Variants in PLEKHF1 observed in about 807,000 individuals in gnomAD.
PLEKHF1 encodes the protein pleckstrin homology domain-containing family F member 1.
In PLEKHF1, 1 loss-of-function variant was observed where a neutral mutation model predicts 4.1. The observed-to-expected ratio is 0.24, with a 90% CI of 0.09 to 1.15. The LOEUF (loss-of-function observed/expected upper bound fraction) is 1.15, where lower values mean the gene tolerates loss of function less well. PLEKHF1 is among the 50% of genes most tolerant of loss of function. The pLI, the probability that PLEKHF1 is intolerant of heterozygous loss-of-function variation, is 0.52. For missense variants in PLEKHF1, 429 were observed against 400.6 expected, an observed-to-expected ratio of 1.07 and a Z score of -0.60; for synonymous variants, 182 against 178.5, an observed-to-expected ratio of 1.02 and a Z score of -0.16.
In PLEKHF1 at chr19:29,674,630, G is replaced by A; in HGVS notation, c.791G>A (p.Ser264Asn). 1 of 1,610,342 alleles carries A rather than the reference G, an allele frequency of 6.2e-7. No individual in the cohort carries two copies. The highest frequency in any genetic ancestry group is 8.5e-7 in the Non-Finnish European group (1 of 1,179,110). Residue 264 changes from serine (S) to asparagine (N), a missense_variant, in exon 2 of 2, where the codon AGC becomes AAC. Coordinates refer to ENST00000436066, the MANE Select transcript of PLEKHF1 (RefSeq NM_024310.5). ...AGCAGGGACGGCGACTGGCCCAGCA[G>A]CGTGGAGTTCTACGCCTCGGGGGTG... ...EGSRDGDWPS[S>N]VEFYASGVAW... is the part of the protein sequence containing the mutation.
At chr19:29,668,978 C>G (rs983032932) in intron 1 of PLEKHF1, among the ~76,000 whole-genome samples, 1 of 152,172 alleles carries the variant, frequency 6.6e-6, no homozygotes, top group Non-Finnish European at 1.5e-5. Context: ...GGGGTCAGCT[C>G]TCAGCCCAGC....
intron 1 of PLEKHF1, 40 bp downstream of exon 1, chr19:29,665,545 C>T (rs1270584639): frequency 8.0e-7 from 1 of 1,252,604 alleles, no homozygotes; most frequent in African/African-American, 1.6e-5. Flanking sequence ...CTGCGGGTCG[C>T]GGGGCAGGCG....
rs1971674007 is a variant in PLEKHF1 at position 29,674,330 on chromosome 19, C to T, written c.491C>T (p.Thr164Met). Residue 164 changes from threonine (T) to methionine (M), a missense_variant, in exon 2 of 2, where the codon ACG becomes ATG. Physicochemically the swap from Thr to Met is moderately conservative, Grantham distance 81. Transcript: ENST00000436066. ...ATDICMRCTQ[T>M]RFSALTRRHH... ...GACATCTGCATGCGCTGCACGCAGA[C>T]GCGCTTCTCTGCCCTCACGAGGCGC... 1 of 1,570,350 alleles carries T rather than the reference C, an allele frequency of 6.4e-7. No individual in the cohort carries two copies. Among genetic ancestry groups the T allele is most frequent in the Non-Finnish European group, 8.6e-7 (1 of 1,165,050 alleles).
At chr19:29,672,473 C>T (rs1348020888) in intron 1 of PLEKHF1, among the ~76,000 whole-genome samples, 1 of 152,134 alleles carries the variant, frequency 6.6e-6, no homozygotes, top group East Asian at 1.9e-4. Flanking sequence ...ACTGAGAACC[C>T]GTTGCAGGAA....
intron 1 of PLEKHF1, 26 bp downstream of exon 1, chr19:29,665,531 C>A: frequency 8.0e-7 from 1 of 1,248,488 alleles, no homozygotes; most frequent in Non-Finnish European, 1.0e-6. Flanking sequence ...GTCCCCCGGC[C>A]GGGCTGCGGG....
At chr19:29,673,282 G>A (rs1971650943) in intron 1 of PLEKHF1, among the ~76,000 whole-genome samples, 1 of 152,160 alleles carries the variant, frequency 6.6e-6, no homozygotes, top group Non-Finnish European at 1.5e-5. Flanking sequence ...TCCTGGCACA[G>A]ACCGTTCTGA....
intron 1 of PLEKHF1, among the ~76,000 whole-genome samples, chr19:29,672,639 G>A (rs1176872562): frequency 6.6e-6 from 1 of 152,192 alleles, no homozygotes; most frequent in African/African-American, 2.4e-5. Context: ...GGTACAGGAA[G>A]GGGGAGATTC....
chr19:29,672,481 G>A (rs1195128182), intron 1 of PLEKHF1, among the ~76,000 whole-genome samples: 2 of 152,180 alleles, frequency 1.3e-5, no homozygotes, highest in Non-Finnish European at 2.9e-5. Context: ...CCCGTTGCAG[G>A]AAGGAGCTGA....
intron 1 of PLEKHF1, chr19:29,665,892 C>T (rs1311563683): frequency 2.5e-6 from 2 of 803,700 alleles, no homozygotes; most frequent in East Asian, 2.5e-4. Flanking sequence ...GCCGCCGGGA[C>T]CTCTCTTCTC....
In PLEKHF1 at chr19:29,673,976, G is replaced by A. The variant is rs748341656; in HGVS notation, c.137G>A (p.Cys46Tyr). 6.2e-7 allele frequency: 1 copy of A among 1,614,028 alleles called. No individual in the cohort carries two copies. The highest frequency in any genetic ancestry group is 2.2e-5 in the East Asian group (1 of 44,890). ...LLGEGVLTKE[C>Y]RKKAKPRIFF... ...GGCGAGGGCGTGCTGACCAAAGAGT[G>A]CCGCAAGAAGGCCAAGCCGCGCATC... Residue 46 changes from cysteine (C) to tyrosine (Y), a missense_variant, in exon 2 of 2, where the codon TGC becomes TAC. By Grantham distance (194) the Cys-to-Tyr change is radical (BLOSUM62 -2). Coordinates refer to ENST00000436066, the MANE Select transcript of PLEKHF1 (RefSeq NM_024310.5).
intron 1 of PLEKHF1, among the ~76,000 whole-genome samples, chr19:29,670,023 C>A (rs1288621128): frequency 6.6e-6 from 1 of 152,046 alleles, no homozygotes; most frequent in African/African-American, 2.4e-5. Flanking sequence ...TCTCTACTTC[C>A]TAGGTTCAAG....
chr19:29,672,730 C>T (rs896093741), intron 1 of PLEKHF1, among the ~76,000 whole-genome samples: 5 of 151,992 alleles, frequency 3.3e-5, no homozygotes, highest in African/African-American at 4.8e-5. Flanking sequence ...TGCAGGTCTG[C>T]GGAGGTTTGT....
At chr19:29,670,543 G>C (rs996285400) in intron 1 of PLEKHF1, among the ~76,000 whole-genome samples, 1 of 152,168 alleles carries the variant, frequency 6.6e-6, no homozygotes, top group Non-Finnish European at 1.5e-5. Flanking sequence ...AGACGTTTGA[G>C]TTGCTTCCAC....
In PLEKHF1 at chr19:29,674,587, G is replaced by A. The variant is rs754916940; in HGVS notation, c.748G>A (p.Asp250Asn). 2.5e-6 allele frequency: 4 copies of A among 1,605,222 alleles called. No individual in the cohort carries two copies. The highest frequency in any genetic ancestry group is 2.2e-5 in the South Asian group (2 of 89,672). Residue 250 changes from aspartate (D) to asparagine (N), a missense_variant, in exon 2 of 2, where the codon GAC (aspartate) becomes AAC (asparagine). By Grantham distance (23) the Asp-to-Asn change is conservative. Transcript: ENST00000436066. ...GASSGDDDDS[D>N]EDKEGSRDGD... ...GTCCAGTGGAGATGACGATGACTCCGACGAGGACAAGGAGGGCAGCAGGGA... is the reference window on the plus strand; with the variant it reads ...GTCCAGTGGAGATGACGATGACTCCAACGAGGACAAGGAGGGCAGCAGGGA...
At chr19:29,673,706 C>T in intron 1 of PLEKHF1, 118 bp from the exon 2 acceptor site, 3 of 1,364,774 alleles carry the variant, frequency 2.2e-6, no homozygotes, top group South Asian at 2.8e-5. Flanking sequence ...CTGCGGGTTA[C>T]TGTGCGTAGT....
chr19:29,671,090 GT>G lies in PLEKHF1; in HGVS notation c.-16-2727del, dbSNP rs1380335120. On this transcript the variant is annotated intron_variant, in intron 1 of 1. Transcript: ENST00000436066. The surrounding 1 kb of genome is among the most constrained non-coding windows in gnomAD (Gnocchi z 4.0). ...ACACTTGTTATTTATTTTTTGTTTTGTTTTTTTCCCCTCCTTTTTTTTTTTT... is the reference window on the plus strand; with the variant it reads ...ACACTTGTTATTTATTTTTTGTTTTGTTTTTTCCCCTCCTTTTTTTTTTTT... 6.7e-6 allele frequency among the ~76,000 whole-genome samples: 1 copy of G among 149,320 alleles called. No homozygotes were observed. The highest frequency in any genetic ancestry group is 2.5e-5 in the African/African-American group (1 of 40,614).
At position 29,674,426 on chromosome 19, in the gene PLEKHF1, T is replaced by C; in HGVS notation, c.587T>C (p.Leu196Pro). 1 of 1,530,348 alleles carries C rather than the reference T, an allele frequency of 6.5e-7. No homozygotes were observed. The highest frequency in any genetic ancestry group is 8.8e-7 in the Non-Finnish European group (1 of 1,141,754). The allele number at this position is 1,530,348 out of a possible 1,614,324, so 94.8% of individuals were successfully genotyped here. Residue 196 changes from leucine to proline, a missense_variant, in exon 2 of 2, where the codon CTG becomes CCG. By Grantham distance (98) the Leu-to-Pro change is moderately conservative. Coordinates refer to ENST00000436066, the MANE Select transcript of PLEKHF1 (RefSeq NM_024310.5). ...CGCCAGCGCTTCCTGCTCCCGCGCC[T>C]GTCCCCCAAGCCCGTGCGCGTCTGC... ...CSRQRFLLPR[L>P]SPKPVRVCSL...
rs760179737 is a variant in PLEKHF1, at chr19:29,673,829, A to T, written c.-11A>T. ...TTGTCTGTCTCCTCCTGCAGCCGCC[A>T]GCTGGAGACGATGGTGGACCACTTG... On this transcript the variant is annotated 5_prime_UTR_variant, in exon 2 of 2. Transcript: ENST00000436066. 1 of 1,583,710 alleles carries T rather than the reference A, an allele frequency of 6.3e-7. No homozygotes were observed. The highest frequency in any genetic ancestry group is 1.7e-5 in the Admixed American group (1 of 58,548).
chr19:29,669,575 G>A (rs77152944), intron 1 of PLEKHF1, among the ~76,000 whole-genome samples: 3,042 of 152,218 alleles, frequency 0.02, 69 homozygotes, highest in East Asian at 0.099. Context: ...CATGCTCAGC[G>A]GCCCCCAGCC....
Sources: gnomAD v4.1 joint callset for allele counts (sites outside exome capture counted in the v4.1 genomes callset) on GRCh38, gnomAD v4.1.1 for gene constraint, Gnocchi (gnomAD v3.1) non-coding constraint, MANE v1.5 for transcripts, NCBI Gene and HGNC (gene_info 2026-07-23, HGNC 2026-07-21) for gene names.